Variants in SULF1 observed in about 807,000 individuals in gnomAD.
SULF1 encodes the protein extracellular sulfatase Sulf-1.
A neutral mutation model predicts 110.5 loss-of-function variants in SULF1; 46 were observed. The observed-to-expected ratio is 0.42, with a 90% CI of 0.33 to 0.53. The LOEUF (loss-of-function observed/expected upper bound fraction) is 0.53. SULF1 is among the 20% of genes least tolerant of loss of function. The pLI is 0.12. For missense variants in SULF1, 941 were observed against 1,094.2 expected (o/e 0.86, Z 1.98); for synonymous variants, 371 against 387.1 (o/e 0.96, Z 0.49).
At chr8:69,532,983 T>C (rs144360152) in intron 3 of SULF1, among the ~76,000 whole-genome samples, 1 of 152,336 alleles carries the variant, frequency 6.6e-6, no homozygotes, top group East Asian at 1.9e-4. Context: ...AATTGACTAA[T>C]CTGGATGTAC....
chr8:69,512,074 T>G (rs1373490372), intron 3 of SULF1, among the ~76,000 whole-genome samples: 6 of 152,222 alleles, frequency 3.9e-5, no homozygotes, highest in African/African-American at 1.4e-4. Flanking sequence ...CATAGAGCAC[T>G]AATTCTGCTT....
intron 3 of SULF1, among the ~76,000 whole-genome samples, chr8:69,525,238 C>CAGGT (rs1442390534): frequency 3.3e-5 from 5 of 151,966 alleles, no homozygotes; most frequent in Non-Finnish European, 5.9e-5. Context: ...GCACTTTTGG[C>CAGGT]AGGTTCTGCA....
chr8:69,641,048 G>T, intron 22 of SULF1: 1 of 441,142 alleles, frequency 2.3e-6, no homozygotes, highest in Non-Finnish European at 4.0e-6. Context: ...CCATCAAGAT[G>T]TTCCAGAGCA....
At chr8:69,504,624 T>TACAGAACA (rs1811055167) in intron 3 of SULF1, among the ~76,000 whole-genome samples, 2 of 152,224 alleles carry the variant, frequency 1.3e-5, no homozygotes, top group South Asian at 4.1e-4. Context: ...AAATTTAACA[T>TACAGAACA]ACAGAACATT....
intron 3 of SULF1, among the ~76,000 whole-genome samples, chr8:69,538,440 A>G (rs1333396334): frequency 6.6e-6 from 1 of 152,130 alleles, no homozygotes; most frequent in East Asian, 1.9e-4. Context: ...GCAGTAATGC[A>G]CTAAGGCCGG....
chr8:69,503,867 T>C (rs1810981388), intron 3 of SULF1, among the ~76,000 whole-genome samples: 1 of 152,130 alleles, frequency 6.6e-6, no homozygotes, highest in South Asian at 2.1e-4. Context: ...TGGCACGATC[T>C]TAGCTCACTG....
At chr8:69,471,317 A>G (rs1047919120) in intron 1 of SULF1, among the ~76,000 whole-genome samples, 1 of 152,160 alleles carries the variant, frequency 6.6e-6, no homozygotes, top group African/African-American at 2.4e-5. Context: ...TCGAACACTC[A>G]AGACACTTTC....
rs560290924 is a variant in SULF1 at position 69,467,882 on chromosome 8, A to G, written c.-391+932A>G. On this transcript the variant is annotated intron_variant, in intron 1 of 22. Coordinates refer to the SULF1 transcript ENST00000260128. ...GCAACACAAAATGAGTTGTCATCAT[A>G]TATGCGAGTAGCCGTAACGGCTCTA... Among the ~76,000 whole-genome samples, 3 of 152,346 alleles carry G rather than the reference A, an allele frequency of 2.0e-5. No individual in the cohort carries two copies. In the East Asian group the frequency reaches 5.8e-4, roughly 29 times the overall value.
At chr8:69,571,826 A>T (rs764199985) in intron 5 of SULF1, among the ~76,000 whole-genome samples, 41 of 152,196 alleles carry the variant, frequency 2.7e-4, no homozygotes, top group Non-Finnish European at 5.0e-4. Context: ...AGTGTTATTG[A>T]CTGACATTAA....
At chr8:69,544,133 T>A (rs1274497296) in intron 3 of SULF1, among the ~76,000 whole-genome samples, 1 of 152,208 alleles carries the variant, frequency 6.6e-6, no homozygotes, top group Non-Finnish European at 1.5e-5. Flanking sequence ...AACTTTAGAG[T>A]TTAGTAATTA....
In SULF1 at chr8:69,621,057, C is replaced by T. The variant is rs760420117; in HGVS notation, c.1400C>T (p.Thr467Ile). 1.2e-5 allele frequency: 20 copies of T among 1,612,068 alleles called. No homozygotes were observed. Among genetic ancestry groups the T allele is most frequent in the Non-Finnish European group, 1.1e-5 (13 of 1,178,488 alleles). Residue 467 changes from threonine (T) to isoleucine (I), a missense_variant, in exon 14 of 23, where the codon ACA (threonine) becomes ATA (isoleucine). Coordinates refer to ENST00000402687, the MANE Select transcript of SULF1 (RefSeq NM_001128205.2). The stretch of plus-strand genomic sequence containing the variant: ...CAGAAGTGGCAATGCATTGAGGATA[C>T]ATCTGGCAAGCTTCGAATTCACAAG... ...PGQKWQCIED[T>I]SGKLRIHKCK... is the part of the protein sequence containing the mutation.
At chr8:69,589,731 G>T (rs1432234311) in intron 8 of SULF1, among the ~76,000 whole-genome samples, 1 of 152,128 alleles carries the variant, frequency 6.6e-6, no homozygotes, top group East Asian at 1.9e-4. Context: ...AAGGGAGAGG[G>T]CTGATGGCGT....
intron 3 of SULF1, among the ~76,000 whole-genome samples, chr8:69,513,405 G>A (rs1259374541): frequency 6.6e-6 from 1 of 152,230 alleles, no homozygotes; most frequent in Admixed American, 6.5e-5. Flanking sequence ...TACATAAAGA[G>A]CTGTTGTGAA....
chr8:69,471,435 TG>T, intron 1 of SULF1, among the ~76,000 whole-genome samples: 1 of 152,232 alleles, frequency 6.6e-6, no homozygotes, highest in Middle Eastern at 3.4e-3. Flanking sequence ...GGGTTTTATT[TG>T]GGGGAAACTT....
chr8:69,525,098 A>G (rs1012879798), intron 3 of SULF1, among the ~76,000 whole-genome samples: 1 of 152,200 alleles, frequency 6.6e-6, no homozygotes, highest in African/African-American at 2.4e-5. Flanking sequence ...TGCCTACAAA[A>G]GTAATTCATA....
intron 6 of SULF1, chr8:69,584,560 T>C (rs1235740664): frequency 6.6e-6 from 1 of 152,188 alleles, no homozygotes; most frequent in Non-Finnish European, 1.5e-5. Context: ...CATCATAAGT[T>C]GAAAATAAGG....
intron 13 of SULF1, among the ~76,000 whole-genome samples, chr8:69,610,322 C>A (rs1052034776): frequency 6.6e-6 from 1 of 152,178 alleles, no homozygotes; most frequent in Non-Finnish European, 1.5e-5. Flanking sequence ...GGCCGTATAT[C>A]CTTCTGACCC....
Position 69,638,352 on chromosome 8 carries a change from GTAT to G in SULF1, c.2285-142_2285-140del, listed in dbSNP as rs946994490. The stretch of plus-strand genomic sequence containing the variant: ...AGCAAATTTACCTACGGGGGGAAAG[GTAT>G]TATTATTCTTAACATGAAACCACAA... On this transcript the variant is annotated intron_variant, in intron 19 of 22. Transcript: ENST00000402687. 43 of 888,650 alleles carry G rather than the reference GTAT, an allele frequency of 4.8e-5. No individual in the cohort carries two copies. The Admixed American group carries it at 8.0e-4, about 17-fold the overall frequency. The allele number at this position is 888,650 out of a possible 1,614,324, so 55.0% of individuals were successfully genotyped here. A position where few individuals can be genotyped will look rare whatever the true frequency, so the allele number is the denominator to read the frequency against.
chr8:69,650,791 CTCA>C (rs1249413224), intron 22 of SULF1, among the ~76,000 whole-genome samples: 6 of 152,116 alleles, frequency 3.9e-5, no homozygotes, highest in African/African-American at 1.4e-4. Context: ...TTGAAGCATC[CTCA>C]TCATTTTTTG....
Sources: gnomAD v4.1 joint callset for allele counts (sites outside exome capture counted in the v4.1 genomes callset) on GRCh38, gnomAD v4.1.1 for gene constraint, MANE v1.5 for transcripts, NCBI Gene and HGNC (gene_info 2026-07-23, HGNC 2026-07-21) for gene names.